The following PCDHGA1 variants were observed in gnomAD, a reference collection of about 807,000 sequenced individuals.
PCDHGA1 encodes protocadherin gamma-A1.
Under a neutral mutation model 58.0 loss-of-function variants are expected in PCDHGA1, and 32 were observed. The ratio of observed to expected loss-of-function variants is 0.55; its 90% CI spans 0.42 to 0.74. PCDHGA1 has a LOEUF of 0.74. Ranked by LOEUF, PCDHGA1 falls within the 30% of genes least tolerant of loss-of-function variation. PCDHGA1 has a pLI of 0.00. For synonymous variants in PCDHGA1, 498 were observed against 501.1 expected (o/e 0.99, Z 0.08); for missense variants, 1,205 against 1,182.3 (o/e 1.02, Z -0.28).
At chr5:141,470,388 T>C (rs1234907080) in intron 1 of PCDHGA1, among the ~76,000 whole-genome samples, 4 of 152,198 alleles carry the variant, frequency 2.6e-5, no homozygotes, top group African/African-American at 9.6e-5. Flanking sequence ...TACTCGATGA[T>C]ATTTAGGATT....
intron 1 of PCDHGA1, chr5:141,415,663 T>C: frequency 6.3e-7 from 1 of 1,578,204 alleles, no homozygotes; most frequent in Non-Finnish European, 8.6e-7. Flanking sequence ...GATTGGTTTT[T>C]ACTTTGAAGT....
At chr5:141,388,889 CAT>C in intron 1 of PCDHGA1, 6 of 1,613,954 alleles carry the variant, frequency 3.7e-6, no homozygotes, top group Non-Finnish European at 5.1e-6. Flanking sequence ...AGGTAGAAGT[CAT>C]AGATGAAAAT....
At chr5:141,423,342 C>A in intron 1 of PCDHGA1, 1 of 1,613,824 alleles carries the variant, frequency 6.2e-7, no homozygotes, top group South Asian at 1.1e-5. Flanking sequence ...CCTGCATCTT[C>A]CTGGTCTTTG....
Position 141,489,463 on chromosome 5 carries a change from T to C in PCDHGA1, c.2422-5344T>C. ...GGGCTCTGAGGAGAATGGGCGCTAT[T>C]TTTCCCTGAGCTTGATGAGTGGTGC... On this transcript the variant is annotated intron_variant, in intron 1 of 3. Transcript: ENST00000517417. This position sits in a 1 kb window ranked among gnomAD's most constrained non-coding sequence, Gnocchi z 4.5. 6.2e-7 allele frequency: 1 copy of C among 1,614,050 alleles called. No individual in the cohort carries two copies. The highest frequency in any genetic ancestry group is 8.5e-7 in the Non-Finnish European group (1 of 1,180,002).
At chr5:141,404,114 G>C (rs2094486353) in intron 1 of PCDHGA1, 4 of 1,613,348 alleles carry the variant, frequency 2.5e-6, no homozygotes, top group Non-Finnish European at 3.4e-6. Context: ...TTCTATCCAG[G>C]AGAATCTATC....
intron 1 of PCDHGA1, chr5:141,399,180 G>T (rs1454578078): frequency 3.7e-6 from 6 of 1,613,798 alleles, no homozygotes; most frequent in Admixed American, 1.7e-5. Flanking sequence ...TACTTGAAAT[G>T]ATTCTGGAAA....
chr5:141,475,761 T>C (rs1430719406), intron 1 of PCDHGA1, among the ~76,000 whole-genome samples: 3 of 152,248 alleles, frequency 2.0e-5, no homozygotes, highest in Admixed American at 6.5e-5. Flanking sequence ...GCACCGATAC[T>C]GGCAAGGCGC....
chr5:141,489,610 C>G lies in PCDHGA1; in HGVS notation c.2422-5197C>G, dbSNP rs142775705. 3,083 of 1,614,088 alleles carry G rather than the reference C, an allele frequency of 1.9e-3. 6 individuals are homozygous for G. Among genetic ancestry groups the G allele is most frequent in the Non-Finnish European group, 2.4e-3 (2,793 of 1,179,988 alleles). ...GCTAATCCGTGTAGAGGTAGAGATC[C>G]TGGATCTCAATGACAACTCTCCTAG... On this transcript the variant is annotated intron_variant, in intron 1 of 3. Transcript: ENST00000517417. The surrounding 1 kb of genome is among the most constrained non-coding windows in gnomAD (Gnocchi z 4.5).
intron 1 of PCDHGA1, chr5:141,344,683 G>A: frequency 1.2e-6 from 2 of 1,613,978 alleles, no homozygotes; most frequent in South Asian, 1.1e-5. Context: ...GCCTCTGATG[G>A]TGGCGACCCT....
rs543209695 is a variant in PCDHGA1, at chr5:141,431,563, C to A, written c.2422-63244C>A. The stretch of plus-strand genomic sequence containing the variant: ...AGCTGCTTGTAGTCAACGCTACCGA[C>A]CCTGACGAAGGAGTCAATGCGGAAG... On this transcript the variant is annotated intron_variant, in intron 1 of 3. Coordinates refer to ENST00000517417, the MANE Select transcript of PCDHGA1 (RefSeq NM_018912.3). The surrounding 1 kb of genome is among the most constrained non-coding windows in gnomAD (Gnocchi z 4.8). 1.2e-6 allele frequency: 2 copies of A among 1,614,144 alleles called. No individual in the cohort carries two copies. The highest frequency in any genetic ancestry group is 2.7e-5 in the African/African-American group (2 of 75,072).
chr5:141,400,164 C>G (rs1307583379), intron 1 of PCDHGA1: 1 of 1,614,086 alleles, frequency 6.2e-7, no homozygotes, highest in Admixed American at 1.7e-5. Context: ...TACCCTCTGA[C>G]CCCCAGGCTG....
At chr5:141,505,592 A>G in intron 3 of PCDHGA1, 111 bp downstream of exon 3, 1 of 1,567,266 alleles carries the variant, frequency 6.4e-7, no homozygotes. Context: ...GTTTCTCCAG[A>G]TCTTTCGGCA....
intron 1 of PCDHGA1, among the ~76,000 whole-genome samples, chr5:141,449,007 T>A (rs937327801): frequency 3.3e-5 from 5 of 152,116 alleles, no homozygotes; most frequent in African/African-American, 1.2e-4. Context: ...CTGTTTTTTT[T>A]AACAGTTGCT....
intron 1 of PCDHGA1, chr5:141,428,210 A>T: frequency 7.7e-7 from 1 of 1,293,350 alleles, no homozygotes; most frequent in Non-Finnish European, 1.1e-6. Flanking sequence ...GCTACGCTTC[A>T]CCTAGTCTTC....
intron 1 of PCDHGA1, chr5:141,433,225 G>A: frequency 6.6e-7 from 1 of 1,517,048 alleles, no homozygotes; most frequent in Non-Finnish European, 9.0e-7. Flanking sequence ...TTTTTTAATT[G>A]CTCTGTCTCC....
intron 1 of PCDHGA1, chr5:141,389,158 G>C (rs774342496): frequency 5.6e-6 from 9 of 1,613,968 alleles, no homozygotes; most frequent in Non-Finnish European, 7.6e-6. Context: ...GCAACAGATC[G>C]GGGCAAGCCT....
rs1051899627 is a variant in PCDHGA1 at position 141,334,940 on chromosome 5, C to T, written c.2421+1835C>T. ...AAACTAAAAACAAACAGAGCTCTTC[C>T]ACTAAAAATAAATATACAAACCAAA... On this transcript the variant is annotated intron_variant, in intron 1 of 3. Transcript: ENST00000517417. This position sits in a 1 kb window ranked among gnomAD's most constrained non-coding sequence, Gnocchi z 4.6. 6.6e-6 allele frequency among the ~76,000 whole-genome samples: 1 copy of T among 152,148 alleles called. No individual in the cohort carries two copies. Among genetic ancestry groups the T allele is most frequent in the Non-Finnish European group, 1.5e-5 (1 of 68,036 alleles).
intron 2 of PCDHGA1, among the ~76,000 whole-genome samples, chr5:141,502,253 T>C (rs1331834149): frequency 6.6e-6 from 1 of 152,232 alleles, no homozygotes; most frequent in South Asian, 2.1e-4. Context: ...TTTTTTTTAA[T>C]CCAGGATTTT....
rs1332652972 is a variant in PCDHGA1, at chr5:141,432,381, C to T, written c.2422-62426C>T. On this transcript the variant is annotated intron_variant, in intron 1 of 3. Transcript: ENST00000517417. The surrounding 1 kb of genome is among the most constrained non-coding windows in gnomAD (Gnocchi z 6.0). ...ATGGCGCGGGACAACGGGCACCCGCCCCTCAGCAGCAACGTGTCGTTGAGC... is the reference window on the plus strand; with the variant it reads ...ATGGCGCGGGACAACGGGCACCCGCTCCTCAGCAGCAACGTGTCGTTGAGC... 1 of 1,614,256 alleles carries T rather than the reference C, an allele frequency of 6.2e-7. No homozygotes were observed. The highest frequency in any genetic ancestry group is 1.1e-5 in the South Asian group (1 of 91,082).
Sources: allele counts gnomAD v4.1 joint callset (sites outside exome capture counted in the v4.1 genomes callset), GRCh38; gene constraint gnomAD v4.1.1; non-coding constraint Gnocchi (gnomAD v3.1); transcripts MANE v1.5; gene names NCBI Gene and HGNC (gene_info 2026-07-23, HGNC 2026-07-21).